Variants in SOCS4 observed in about 807,000 individuals in gnomAD.
The protein encoded by SOCS4 is suppressor of cytokine signaling 4, also known as SH2 domain containing SOCS box protein.
A neutral mutation model predicts 34.1 loss-of-function variants in SOCS4; 20 were observed. That is an observed-to-expected ratio of 0.59 (90% confidence interval 0.41 to 0.85). The LOEUF is 0.85. Among genes scored for constraint, SOCS4 ranks in the 40% least tolerant of loss-of-function variants. The probability of loss-of-function intolerance (pLI) is 0.00; values close to 1 mark genes in which losing one functional copy is unlikely to be tolerated. For synonymous variants in SOCS4, 180 were observed against 186.4 expected (o/e 0.97, Z 0.28); for missense variants, 479 against 532.4 (o/e 0.90, Z 0.99).
At chr14:55,034,727 T>A (rs1158912185) in intron 2 of SOCS4, among the ~76,000 whole-genome samples, 1 of 151,892 alleles carries the variant, frequency 6.6e-6, no homozygotes, top group Non-Finnish European at 1.5e-5. Context: ...TCCCAGCTAC[T>A]TGGGAGGCTG....
Position 55,046,510 on chromosome 14 carries a change from T to A in SOCS4, c.*2146T>A, listed in dbSNP as rs879023876. On this transcript the variant is annotated 3_prime_UTR_variant, in exon 3 of 3. Transcript: ENST00000555846. ...AATGATATATAGTTATGTTGTCTTT[T>A]ATAGTGTTAAAATTAGTATTTATAT... The A allele has an allele frequency of 3.6e-5, 6 of 167,114 alleles. No individual in the cohort carries two copies. In the South Asian group the frequency reaches 1.0e-3, roughly 29 times the overall value. The allele number at this position is 167,114 out of a possible 1,614,324, so 10.4% of individuals were successfully genotyped here.
At position 55,027,388 on chromosome 14, in the gene SOCS4, T is replaced by A. The variant is rs1338685713; in HGVS notation, c.-303T>A. On this transcript the variant is annotated 5_prime_UTR_variant, in exon 1 of 3. Coordinates refer to ENST00000555846, the MANE Select transcript of SOCS4 (RefSeq NM_199421.2). ...TGCAGGAGTGGTTGGGCCTCCCCTC[T>A]CCACTTAAGCAAGCGCCCAGACTGA... 1 of 156,318 alleles carries A rather than the reference T, an allele frequency of 6.4e-6. No homozygotes were observed. The highest frequency in any genetic ancestry group is 1.4e-5 in the Non-Finnish European group (1 of 70,142). 9.7% of individuals were successfully genotyped at this position (156,318 alleles called of 1,614,324 possible). A position where few individuals can be genotyped will look rare whatever the true frequency, so the allele number is the denominator to read the frequency against.
At chr14:55,029,597 T>C (rs1192639429) in intron 1 of SOCS4, among the ~76,000 whole-genome samples, 6 of 152,204 alleles carry the variant, frequency 3.9e-5, no homozygotes, top group Admixed American at 2.0e-4. Context: ...AGAGGATATA[T>C]CAGTATTGGC....
chr14:55,030,167 A>G (rs1361970715), intron 1 of SOCS4, among the ~76,000 whole-genome samples: 4 of 152,188 alleles, frequency 2.6e-5, no homozygotes, highest in Admixed American at 1.3e-4. Context: ...AGAATTTAGT[A>G]AAACATAAAG....
intron 1 of SOCS4, among the ~76,000 whole-genome samples, chr14:55,029,647 T>G (rs192937362): frequency 1.2e-4 from 19 of 152,310 alleles, no homozygotes; most frequent in Admixed American, 1.2e-3. Flanking sequence ...TAGTAAAATA[T>G]GTACTTGGTG....
chr14:55,038,407 T>C (rs1282130102), intron 2 of SOCS4, among the ~76,000 whole-genome samples: 1 of 152,220 alleles, frequency 6.6e-6, no homozygotes, highest in East Asian at 1.9e-4. Context: ...TGTGCTTCAC[T>C]GTATGCTTGG....
chr14:55,041,610 G>A (rs2042618828), intron 2 of SOCS4, among the ~76,000 whole-genome samples: 1 of 150,722 alleles, frequency 6.6e-6, no homozygotes, highest in Non-Finnish European at 1.5e-5. Context: ...TAGTAGCTGG[G>A]ATTACAGGCA....
intron 2 of SOCS4, among the ~76,000 whole-genome samples, chr14:55,032,335 G>A (rs1178324239): frequency 1.3e-5 from 2 of 152,066 alleles, no homozygotes; most frequent in Non-Finnish European, 2.9e-5. Flanking sequence ...GCCTTAGTCA[G>A]TATTACTAAA....
At position 55,035,822 on chromosome 14, in the gene SOCS4, G is replaced by A. The variant is rs187307110; in HGVS notation, c.-91+3831G>A. On this transcript the variant is annotated intron_variant, in intron 2 of 2. Transcript: ENST00000555846. ...ATATGGCTAGCACAAAACAGAAACT[G>A]GACTTAAACCATGTTTCTTTTTTTT... Among the ~76,000 whole-genome samples, 242 of 146,840 alleles carry A rather than the reference G, an allele frequency of 1.6e-3. 2 individuals are homozygous for A. Among genetic ancestry groups the A allele is most frequent in the Middle Eastern group, 6.9e-3 (2 of 290 alleles).
intron 2 of SOCS4, among the ~76,000 whole-genome samples, chr14:55,041,700 C>G (rs2042619490): frequency 6.6e-6 from 1 of 151,136 alleles, no homozygotes; most frequent in South Asian, 2.1e-4. Flanking sequence ...GTCTCGAACT[C>G]CTGACCTCAT....
intron 1 of SOCS4, among the ~76,000 whole-genome samples, chr14:55,030,506 C>A (rs2042519281): frequency 6.6e-6 from 1 of 152,080 alleles, no homozygotes; most frequent in African/African-American, 2.4e-5. Flanking sequence ...GCCTTTGTTT[C>A]CCCTCCCCTT....
intron 2 of SOCS4, among the ~76,000 whole-genome samples, chr14:55,037,693 T>C (rs10145170): frequency 0.51 from 77,993 of 151,660 alleles, 21,809 homozygotes; most frequent in African/African-American, 0.74. Context: ...AGGGTTTCAC[T>C]GTGTTGGCCA....
At position 55,043,838 on chromosome 14, in the gene SOCS4, C is replaced by A; in HGVS notation, c.797C>A (p.Thr266Lys). Reference sequence around the variant, plus strand: ...TTGGAAACACCTCCTAAATACCACACGCAGATTGATTATGTCCACTGTCTT... The same window carrying A: ...TTGGAAACACCTCCTAAATACCACAAGCAGATTGATTATGTCCACTGTCTT... ...LQLETPPKYHTQIDYVHCLVP... is the reference protein window; with the variant it reads ...LQLETPPKYHKQIDYVHCLVP... The change falls in exon 3 of 3, where the codon ACG becomes AAG. Residue 266 changes from threonine (T) to lysine (K), a missense_variant. By Grantham distance (78) the Thr-to-Lys change is moderately conservative. Coordinates refer to ENST00000555846, the MANE Select transcript of SOCS4 (RefSeq NM_199421.2). The A allele has an allele frequency of 6.2e-7, 1 of 1,614,156 alleles. No homozygotes were observed. The highest frequency in any genetic ancestry group is 8.5e-7 in the Non-Finnish European group (1 of 1,180,008).
Position 55,043,727 on chromosome 14 carries a change from ATTCCGATGATGAAATTCTAACACT to A in SOCS4, c.689_712del (p.Ser230_Leu237del). The A allele has an allele frequency of 6.2e-7, 1 of 1,614,170 alleles. No individual in the cohort carries two copies. Among genetic ancestry groups the A allele is most frequent in the Non-Finnish European group, 8.5e-7 (1 of 1,180,012 alleles). ...AACAGTATAGAAGATAGTGATATGG[ATTCCGATGATGAAATTCTAACACT>A]TTGCACAAGTTCCAGAAAAAGAAAC... On this transcript the variant is annotated inframe_deletion, in exon 3 of 3. Coordinates refer to ENST00000555846, the MANE Select transcript of SOCS4 (RefSeq NM_199421.2).
intron 2 of SOCS4, among the ~76,000 whole-genome samples, chr14:55,039,393 G>T (rs961670905): frequency 6.6e-6 from 1 of 152,110 alleles, no homozygotes; most frequent in African/African-American, 2.4e-5. Context: ...AGCCATGATT[G>T]CACCACTGCA....
rs992925808 is a variant in SOCS4 at position 55,044,005 on chromosome 14, G to C, written c.964G>C (p.Val322Leu). ...AGCACAGGAAGACTATTTATTCTCT[G>C]TTAGTTTTAGACGCTATAGTCGTTC... ...DSAQEDYLFS[V>L]SFRRYSRSLH... Residue 322 changes from valine to leucine, a missense_variant, in exon 3 of 3, where the codon GTT becomes CTT. Val to Leu is a conservative substitution (Grantham distance 32, BLOSUM62 1). Coordinates refer to ENST00000555846, the MANE Select transcript of SOCS4 (RefSeq NM_199421.2). The C allele has an allele frequency of 7.4e-6, 12 of 1,614,036 alleles. No individual in the cohort carries two copies. Among genetic ancestry groups the C allele is most frequent in the African/African-American group, 1.3e-5 (1 of 74,920 alleles).
At chr14:55,034,412 CA>C (rs2042554555) in intron 2 of SOCS4, among the ~76,000 whole-genome samples, 1 of 152,050 alleles carries the variant, frequency 6.6e-6, no homozygotes, top group Non-Finnish European at 1.5e-5. Flanking sequence ...ATTGATGGGG[CA>C]AAAGATAACA....
intron 2 of SOCS4, among the ~76,000 whole-genome samples, chr14:55,041,621 C>T (rs899775826): frequency 1.3e-5 from 2 of 149,810 alleles, no homozygotes; most frequent in African/African-American, 4.9e-5. Flanking sequence ...ATTACAGGCA[C>T]CCGTCACTGT....
intron 2 of SOCS4, among the ~76,000 whole-genome samples, chr14:55,042,166 C>T (rs1247902888): frequency 1.3e-5 from 2 of 152,148 alleles, no homozygotes; most frequent in African/African-American, 4.8e-5. Flanking sequence ...CTTCATGAAA[C>T]TCGGTATTTT....
Sources: allele counts gnomAD v4.1 joint callset (sites outside exome capture counted in the v4.1 genomes callset), GRCh38; gene constraint gnomAD v4.1.1; transcripts MANE v1.5; gene names NCBI Gene and HGNC (gene_info 2026-07-23, HGNC 2026-07-21).